Variants in NDUFAF6 observed in about 807,000 individuals in gnomAD.
The protein encoded by NDUFAF6 is NADH dehydrogenase (ubiquinone) complex I, assembly factor 6.
NDUFAF6 carries 45 observed loss-of-function variants against 40.8 expected under a neutral mutation model. The observed-to-expected ratio is 1.10, with a 90% CI of 0.87 to 1.42. The LOEUF is 1.42. Ranked by LOEUF, NDUFAF6 falls within the 40% of genes most tolerant of loss-of-function variation. The pLI, the probability that NDUFAF6 is intolerant of heterozygous loss-of-function variation, is 0.00. For synonymous variants in NDUFAF6, 185 were observed against 155.9 expected, an observed-to-expected ratio of 1.19 and a Z score of -1.39; for missense variants, 435 against 418.5, an observed-to-expected ratio of 1.04 and a Z score of -0.34.
At chr8:94,917,332 T>C (rs1326665323) in intron 1 of NDUFAF6, among the ~76,000 whole-genome samples, 6 of 152,182 alleles carry the variant, frequency 3.9e-5, no homozygotes, top group Non-Finnish European at 8.8e-5. Context: ...ATCAGCAAGG[T>C]AGTCTAACGT....
At chr8:94,954,457 A>G (rs149878932), upstream of NDUFAF6, among the ~76,000 whole-genome samples, 25 of 152,328 alleles carry the variant, frequency 1.6e-4, no homozygotes, top group East Asian at 4.6e-3. Context: ...AGAACCTTCC[A>G]TCTAGTAGAG....
At chr8:94,909,981 A>G (rs1016145481) in intron 1 of NDUFAF6, among the ~76,000 whole-genome samples, 1 of 151,952 alleles carries the variant, frequency 6.6e-6, no homozygotes. Flanking sequence ...CCTGAAAACT[A>G]GGCCCCTTTC....
intron 2 of NDUFAF6, among the ~76,000 whole-genome samples, chr8:95,001,444 T>G (rs1032516478): frequency 2.0e-5 from 3 of 152,098 alleles, no homozygotes; most frequent in Admixed American, 2.0e-4. Context: ...CCCTCAACCT[T>G]TGGTGCCTCA....
chr8:94,920,408 T>C (rs1044831374), intron 1 of NDUFAF6, among the ~76,000 whole-genome samples: 5 of 152,232 alleles, frequency 3.3e-5, no homozygotes, highest in Non-Finnish European at 7.3e-5. Context: ...CCTCTTGCAG[T>C]ATCCTCACAT....
chr8:94,953,222 C>T (rs1464467010), upstream of NDUFAF6, among the ~76,000 whole-genome samples: 1 of 152,066 alleles, frequency 6.6e-6, no homozygotes, highest in African/African-American at 2.4e-5. Context: ...TGGTGCATTC[C>T]TGTAATCCCA....
At chr8:95,094,951 C>T (rs9694478) in intron 2 of NDUFAF6, among the ~76,000 whole-genome samples, 21 of 149,558 alleles carry the variant, frequency 1.4e-4, no homozygotes, top group Non-Finnish European at 2.5e-4. Context: ...TTGGGGGTGG[C>T]GGGGGGTGTC....
intron 2 of NDUFAF6, chr8:95,087,716 T>A (rs1809095157): frequency 6.6e-6 from 1 of 152,254 alleles, no homozygotes. Context: ...TTCATTTCCT[T>A]CTGTTCAAAC....
intron 1 of NDUFAF6, among the ~76,000 whole-genome samples, chr8:94,939,047 G>T (rs968175766): frequency 6.6e-6 from 1 of 152,158 alleles, no homozygotes; most frequent in Non-Finnish European, 1.5e-5. Flanking sequence ...CTGTTTGCCT[G>T]GTGTGTGGAA....
At chr8:94,937,594 G>A (rs1821113417) in intron 1 of NDUFAF6, among the ~76,000 whole-genome samples, 2 of 152,192 alleles carry the variant, frequency 1.3e-5, no homozygotes, top group African/African-American at 2.4e-5. Flanking sequence ...CAAGGGTTAA[G>A]TATGCTAGTA....
chr8:95,023,395 C>T (rs1827778943), upstream of NDUFAF6: 2 of 152,166 alleles, frequency 1.3e-5, no homozygotes, highest in South Asian at 2.1e-4. Flanking sequence ...GGTGCTTTAC[C>T]TTGGGTTTAA....
chr8:95,111,434 A>C (rs1214986164), intron 4 of NDUFAF6, among the ~76,000 whole-genome samples: 7 of 152,004 alleles, frequency 4.6e-5, no homozygotes, highest in Non-Finnish European at 1.0e-4. Context: ...GATTCTGTGC[A>C]CTCTTTTTAC....
At chr8:94,906,706 T>C (rs897250825) in intron 1 of NDUFAF6, among the ~76,000 whole-genome samples, 3 of 152,228 alleles carry the variant, frequency 2.0e-5, no homozygotes, top group African/African-American at 7.2e-5. Flanking sequence ...TGGATCCACC[T>C]TGGTGGTTCC....
rs565666155 is a variant in NDUFAF6, at chr8:94,917,925, CTT to C, written c.-936+22000_-936+22001del. ...CGTGCAAGAATATTAGTGGAAGCCT[CTT>C]TATGCTCATGGTCCCTCTGGGGGCT... is the stretch of plus-strand genomic sequence containing the variant. On this transcript the variant is annotated intron_variant, in intron 1 of 14. Transcript: ENST00000396113. 7.9e-5 allele frequency among the ~76,000 whole-genome samples: 12 copies of C among 152,300 alleles called. No individual in the cohort carries two copies. In the East Asian group the frequency reaches 2.3e-3, roughly 29 times the overall value.
intron 2 of NDUFAF6, among the ~76,000 whole-genome samples, chr8:95,002,078 T>C (rs1826761934): frequency 1.3e-5 from 2 of 152,340 alleles, no homozygotes; most frequent in South Asian, 4.1e-4. Context: ...ATGGTAGTTG[T>C]TAAATTATGT....
chr8:94,922,795 A>G (rs917710125), intron 1 of NDUFAF6, among the ~76,000 whole-genome samples: 1 of 152,182 alleles, frequency 6.6e-6, no homozygotes, highest in African/African-American at 2.4e-5. Context: ...CATTTTTAAC[A>G]GGATCCCCCA....
intron 2 of NDUFAF6, among the ~76,000 whole-genome samples, chr8:94,999,648 C>T (rs1338190934): frequency 6.7e-6 from 1 of 150,152 alleles, no homozygotes; most frequent in African/African-American, 2.5e-5. Flanking sequence ...AACTCCTGAC[C>T]TTAGGTGATC....
At position 95,028,063 on chromosome 8, in the gene NDUFAF6, A is replaced by G. The variant is rs531098172; in HGVS notation, c.197+2858A>G. 4.6e-5 allele frequency among the ~76,000 whole-genome samples: 7 copies of G among 152,314 alleles called. No individual in the cohort carries two copies. The South Asian group carries it at 6.2e-4, about 14-fold the overall frequency. ...CACTAATGTTCTTTACTTTGCTGCA[A>G]TCTCACCAGGGAATCACTTCCTTTG... is the stretch of plus-strand genomic sequence containing the variant. On this transcript the variant is annotated intron_variant, in intron 1 of 8. Coordinates refer to ENST00000396124, the MANE Select transcript of NDUFAF6 (RefSeq NM_152416.4).
chr8:95,035,429 T>G, intron 2 of NDUFAF6, 25 bp from the exon 3 acceptor site: 1 of 1,613,050 alleles, frequency 6.2e-7, no homozygotes, highest in Non-Finnish European at 8.5e-7. Flanking sequence ...ATGCATTTGC[T>G]AAAGTTTTTA....
At chr8:95,031,820 C>CG (rs112324715) in intron 1 of NDUFAF6, among the ~76,000 whole-genome samples, 175 bp from the exon 2 acceptor site, 1,849 of 152,278 alleles carry the variant, frequency 0.012, 45 homozygotes, top group African/African-American at 0.041. Context: ...AGGCTGGTCT[C>CG]GAACTCCTGG....
Sources: allele counts gnomAD v4.1 joint callset (sites outside exome capture counted in the v4.1 genomes callset), GRCh38; gene constraint gnomAD v4.1.1; transcripts MANE v1.5; gene names NCBI Gene and HGNC (gene_info 2026-07-23, HGNC 2026-07-21).